Variants in PXDNL observed in about 807,000 individuals in gnomAD.
The protein encoded by PXDNL is peroxidasin like.
Under a neutral mutation model 150.8 loss-of-function variants are expected in PXDNL, and 145 were observed. The observed-to-expected ratio is 0.96, with a 90% CI of 0.84 to 1.10. PXDNL has a LOEUF of 1.10. Among genes scored for constraint, PXDNL ranks in the 50% least tolerant of loss-of-function variants. PXDNL has a pLI of 0.00. For missense variants in PXDNL, 2,087 were observed against 1,873.9 expected (o/e 1.11, Z -2.10); for synonymous variants, 757 against 725.7 (o/e 1.04, Z -0.69).
intron 6 of PXDNL, among the ~76,000 whole-genome samples, chr8:51,475,402 CT>C (rs745554141): frequency 1.9e-4 from 28 of 145,526 alleles, no homozygotes; most frequent in Non-Finnish European, 3.9e-4. Flanking sequence ...TTAATGTGCA[CT>C]ATGTCTATTA....
chr8:51,402,904 T>C (rs1166718063), intron 17 of PXDNL, among the ~76,000 whole-genome samples: 1 of 146,074 alleles, frequency 6.8e-6, no homozygotes, highest in Non-Finnish European at 1.5e-5. Flanking sequence ...CTACTAAAAA[T>C]ACACACACAC....
At chr8:51,718,414 G>A (rs143291554) in intron 1 of PXDNL, among the ~76,000 whole-genome samples, 1,597 of 152,338 alleles carry the variant, frequency 0.01, 24 homozygotes, top group African/African-American at 0.032. Context: ...GTGAAAAAAA[G>A]TAGAAGTTAT....
chr8:51,414,250 A>G (rs1808733975), intron 14 of PXDNL, among the ~76,000 whole-genome samples: 1 of 151,868 alleles, frequency 6.6e-6, no homozygotes, highest in Non-Finnish European at 1.5e-5. Context: ...GTGTTTCTAT[A>G]CATATTTAAG....
chr8:51,574,963 A>G (rs1050586292), intron 3 of PXDNL, among the ~76,000 whole-genome samples: 6 of 152,088 alleles, frequency 3.9e-5, no homozygotes, highest in African/African-American at 1.2e-4. Context: ...TGAGGCGTCG[A>G]GAAGAAAGAA....
At chr8:51,405,448 G>C (rs1202104252) in intron 17 of PXDNL, among the ~76,000 whole-genome samples, 1 of 152,150 alleles carries the variant, frequency 6.6e-6, no homozygotes, top group Admixed American at 6.5e-5. Context: ...AGGATGCGGG[G>C]CTCAAGATAC....
At chr8:51,425,632 G>A (rs1197571781) in intron 13 of PXDNL, among the ~76,000 whole-genome samples, 1 of 151,892 alleles carries the variant, frequency 6.6e-6, no homozygotes, top group African/African-American at 2.4e-5. Flanking sequence ...AGGGGATCGA[G>A]ACCACAGTGA....
intron 17 of PXDNL, among the ~76,000 whole-genome samples, chr8:51,377,568 G>C (rs957939345): frequency 1.3e-5 from 2 of 152,234 alleles, no homozygotes; most frequent in African/African-American, 2.4e-5. Context: ...GCGGGCCAGC[G>C]CGAGTTCCGG....
chr8:51,629,517 TA>T (rs1351350237), intron 2 of PXDNL, among the ~76,000 whole-genome samples: 1 of 152,154 alleles, frequency 6.6e-6, no homozygotes, highest in African/African-American at 2.4e-5. Context: ...CAAGAAATAG[TA>T]GACAAAACCT....
chr8:51,509,741 TACACACACACACAC>T (rs61492447), intron 4 of PXDNL, among the ~76,000 whole-genome samples: 4,967 of 143,322 alleles, frequency 0.035, 228 homozygotes, highest in East Asian at 0.26. Flanking sequence ...TATACATATA[TACACACACACACAC>T]ACACACACAC....
chr8:51,330,858 C>A (rs1229039843), intron 21 of PXDNL, among the ~76,000 whole-genome samples: 1 of 152,174 alleles, frequency 6.6e-6, no homozygotes, highest in Non-Finnish European at 1.5e-5. Context: ...ATGGGTAAGA[C>A]TAGAGTATGA....
chr8:51,721,888 G>A, intron 1 of PXDNL: 1 of 278,740 alleles, frequency 3.6e-6, no homozygotes, highest in East Asian at 8.6e-5. Context: ...CTTTGTCCCA[G>A]CATGGCCTGT....
intron 19 of PXDNL, among the ~76,000 whole-genome samples, chr8:51,352,987 C>T (rs974966343): frequency 1.6e-4 from 24 of 152,042 alleles, no homozygotes; most frequent in Non-Finnish European, 3.5e-4. Context: ...TTGAAGATTA[C>T]CTATTGAGTA....
In PXDNL at chr8:51,420,521, T is replaced by C. The variant is rs186749790; in HGVS notation, c.1795+3054A>G. On this transcript the variant is annotated intron_variant, in intron 14 of 22. Transcript: ENST00000356297. ...AAATTACTTTTCCCTCATATTGACA[T>C]ATAAATGTCCCAGAGACAAAAAAGT... Among the ~76,000 whole-genome samples, 24 of 152,324 alleles carry C rather than the reference T, an allele frequency of 1.6e-4. No individual in the cohort carries two copies. The East Asian group carries it at 4.6e-3, about 29-fold the overall frequency.
intron 1 of PXDNL, among the ~76,000 whole-genome samples, chr8:51,756,131 C>A (rs893027502): frequency 4.6e-5 from 7 of 152,060 alleles, no homozygotes; most frequent in African/African-American, 4.8e-5. Flanking sequence ...CAGTGGCTCA[C>A]CCCTGTCATC....
At chr8:51,768,296 G>C (rs2037253912) in intron 1 of PXDNL, among the ~76,000 whole-genome samples, 1 of 151,432 alleles carries the variant, frequency 6.6e-6, no homozygotes, top group South Asian at 2.1e-4. Flanking sequence ...TGGAGAAGTG[G>C]ATTTTTGAAA....
chr8:51,374,356 C>T (rs1361826380), intron 18 of PXDNL, among the ~76,000 whole-genome samples: 6 of 152,204 alleles, frequency 3.9e-5, no homozygotes, highest in Non-Finnish European at 7.3e-5. Flanking sequence ...TCCTCTCAAT[C>T]GCCAACTTCT....
intron 2 of PXDNL, among the ~76,000 whole-genome samples, chr8:51,649,895 A>G (rs1430039960): frequency 6.6e-6 from 1 of 151,986 alleles, no homozygotes. Context: ...TGAGGTCAGG[A>G]GTTTGAGACC....
intron 1 of PXDNL, among the ~76,000 whole-genome samples, chr8:51,758,240 A>C (rs1204475737): frequency 6.6e-6 from 1 of 152,160 alleles, no homozygotes; most frequent in African/African-American, 2.4e-5. Flanking sequence ...TTATAGCTAA[A>C]CATACATATA....
chr8:51,346,330 TG>T (rs1407719633), intron 19 of PXDNL, among the ~76,000 whole-genome samples: 1 of 152,198 alleles, frequency 6.6e-6, no homozygotes, highest in Non-Finnish European at 1.5e-5. Context: ...GCTTGAAATT[TG>T]GCAACTCCTC....
Sources: allele counts gnomAD v4.1 joint callset (sites outside exome capture counted in the v4.1 genomes callset), GRCh38; gene constraint gnomAD v4.1.1; transcripts MANE v1.5; gene names NCBI Gene and HGNC (gene_info 2026-07-23, HGNC 2026-07-21).